Variants in ZIM3 observed in about 807,000 individuals in gnomAD.
ZIM3 encodes the protein zinc finger imprinted 3.
In ZIM3, 11 loss-of-function variants were observed where a neutral mutation model predicts 12.9. The ratio of observed to expected loss-of-function variants is 0.85; its 90% CI spans 0.54 to 1.41. The LOEUF (loss-of-function observed/expected upper bound fraction) is 1.41, where lower values mean the gene tolerates loss of function less well. ZIM3 is among the 40% of genes most tolerant of loss of function. ZIM3 has a pLI of 0.00. For missense variants in ZIM3, 604 were observed against 557.2 expected (o/e 1.08, Z -0.85); for synonymous variants, 205 against 198.5 (o/e 1.03, Z -0.28).
At position 57,139,422 on chromosome 19, in the gene ZIM3, T is replaced by C. The variant is rs371651876; in HGVS notation, c.16-824A>G. 7.9e-5 allele frequency among the ~76,000 whole-genome samples: 12 copies of C among 152,060 alleles called. No homozygotes were observed. The East Asian group carries it at 1.6e-3, about 20-fold the overall frequency. On this transcript the variant is annotated intron_variant, in intron 2 of 4. Coordinates refer to ENST00000269834, the MANE Select transcript of ZIM3 (RefSeq NM_052882.1). ...TTTCTTTAAGACATCCTGCCTCTAT[T>C]AGAAATTCTTTTTTAAATAGAGGCC...
rs1226967928 is a variant in ZIM3 at position 57,142,645 on chromosome 19, T to G, written c.-2A>C. On this transcript the variant is annotated 5_prime_UTR_variant, in exon 2 of 5. Coordinates refer to ENST00000269834, the MANE Select transcript of ZIM3 (RefSeq NM_052882.1). ...AAAGCTCACCTGGGAATTGTTCATT[T>G]CCTGTTCTTCACCAGTCAGTAAAGT... The G allele has an allele frequency of 1.2e-6, 2 of 1,613,722 alleles. No individual in the cohort carries two copies. The highest frequency in any genetic ancestry group is 2.2e-5 in the East Asian group (1 of 44,862).
rs774474471 is a variant in ZIM3, at chr19:57,135,973, C to T, written c.364G>A (p.Gly122Arg). The change falls in exon 5 of 5, where the codon GGA becomes AGA. Residue 122 changes from glycine (G) to arginine (R), a missense_variant. Transcript: ENST00000269834. Reference sequence around the variant, plus strand: ...CCCAGTGGAAGTATTTTCTTAGATCCGTCACATTCTACACCTTTCTGCGTA... The same window carrying T: ...CCCAGTGGAAGTATTTTCTTAGATCTGTCACATTCTACACCTTTCTGCGTA... The part of the protein sequence containing the change: ...LTTQKGVECD[G>R]SKKILPLGID... 9.3e-6 allele frequency: 15 copies of T among 1,613,980 alleles called. No homozygotes were observed. The highest frequency in any genetic ancestry group is 1.6e-4 in the Middle Eastern group (1 of 6,084).
Position 57,134,786 on chromosome 19 carries a change from G to A in ZIM3, c.*132C>T, listed in dbSNP as rs118093414. 19,183 of 887,080 alleles carry A rather than the reference G, an allele frequency of 0.022. 318 individuals are homozygous for A. The highest frequency in any genetic ancestry group is 0.028 in the Non-Finnish European group (16,287 of 583,000). 55.0% of individuals were successfully genotyped at this position (887,080 alleles called of 1,614,324 possible). A position where few individuals can be genotyped will look rare whatever the true frequency, so the allele number is the denominator to read the frequency against. On this transcript the variant is annotated 3_prime_UTR_variant, in exon 5 of 5. Coordinates refer to ENST00000269834, the MANE Select transcript of ZIM3 (RefSeq NM_052882.1). Reference sequence around the variant, plus strand: ...TGAGTATGCCGAATGGGTTTTCAAAGGATACTGTGATAATAAGTCCTCGCT... The same window carrying A: ...TGAGTATGCCGAATGGGTTTTCAAAAGATACTGTGATAATAAGTCCTCGCT...
At chr19:57,138,363 A>T (rs2086899277) in intron 3 of ZIM3, 109 bp downstream of exon 3, 1 of 1,501,096 alleles carries the variant, frequency 6.7e-7, no homozygotes, top group Admixed American at 1.7e-5. Flanking sequence ...ACAAAAACAT[A>T]TGCGAAGTGA....
At position 57,138,360 on chromosome 19, in the gene ZIM3, CAT is replaced by C; in HGVS notation, c.142+110_142+111del. ...CACCCTAGTCCCGGCTCTACAAAAA[CAT>C]ATGCGAAGTGAGGAGCACCTCTGTG... is the stretch of plus-strand genomic sequence containing the variant. On this transcript the variant is annotated intron_variant, in intron 3 of 4. Coordinates refer to ENST00000269834, the MANE Select transcript of ZIM3 (RefSeq NM_052882.1). 2.7e-6 allele frequency: 4 copies of C among 1,494,016 alleles called. No homozygotes were observed. In the South Asian group the frequency reaches 4.6e-5, roughly 17 times the overall value. 92.5% of individuals were successfully genotyped at this position (1,494,016 alleles called of 1,614,324 possible).
chr19:57,134,992 A>C lies in ZIM3; in HGVS notation c.1345T>G (p.Cys449Gly). Residue 449 changes from cysteine to glycine, a missense_variant, in exon 5 of 5, where the codon TGT (cysteine) becomes GGT (glycine). Physicochemically the swap from Cys to Gly is radical, Grantham distance 159. Transcript: ENST00000269834. ...KTHTGQKPYGCSECGKAFADR... is the reference protein window; with the variant it reads ...KTHTGQKPYGGSECGKAFADR... ...GCGAAGGCTTTACCGCATTCAGAAC[A>C]TCCATAAGGTTTTTGTCCAGTATGG... 1 of 1,614,166 alleles carries C rather than the reference A, an allele frequency of 6.2e-7. No homozygotes were observed. Among genetic ancestry groups the C allele is most frequent in the Non-Finnish European group, 8.5e-7 (1 of 1,180,034 alleles).
intron 1 of ZIM3, 42 bp from the exon 2 acceptor site, chr19:57,142,727 C>A: frequency 6.5e-7 from 1 of 1,532,984 alleles, no homozygotes. Context: ...GCAGAATTCG[C>A]TTTGGAAGTT....
chr19:57,136,558 G>A (rs1268031029), intron 4 of ZIM3, among the ~76,000 whole-genome samples: 1 of 151,824 alleles, frequency 6.6e-6, no homozygotes, highest in Non-Finnish European at 1.5e-5. Context: ...CAGCTACTCG[G>A]GAGGCTGAGG....
rs1460879847 is a variant in ZIM3 at position 57,135,928 on chromosome 19, A to G, written c.409T>C (p.Leu137=). 2 of 1,614,038 alleles carry G rather than the reference A, an allele frequency of 1.2e-6. No individual in the cohort carries two copies. The highest frequency in any genetic ancestry group is 1.7e-5 in the Admixed American group (1 of 59,990). Residue 137 remains leucine, a synonymous_variant, in exon 5 of 5, where the codon TTG becomes CTG. Transcript: ENST00000269834. ...GAATTATTTTGTACATAGTGTTGCA[A>G]GGAAGATACATCATCTATGCCCAGT... ...LPLGIDDVSS[L]QHYVQNNSHD... is the part of the protein sequence containing the mutation.
At chr19:57,138,162 G>C (rs371184497) in intron 3 of ZIM3, among the ~76,000 whole-genome samples, 6 of 151,884 alleles carry the variant, frequency 4.0e-5, no homozygotes, top group Non-Finnish European at 5.9e-5. Context: ...AGAAAGAAAT[G>C]CTTTTTCTTC....
chr19:57,135,933 G>A lies in ZIM3; in HGVS notation c.404C>T (p.Ser135Phe). Residue 135 changes from serine (S) to phenylalanine (F), a missense_variant, in exon 5 of 5, where the codon TCT (serine) becomes TTT (phenylalanine). Transcript: ENST00000269834. ...ATTTTGTACATAGTGTTGCAAGGAA[G>A]ATACATCATCTATGCCCAGTGGAAG... The part of the protein sequence containing the change: ...KILPLGIDDV[S>F]SLQHYVQNNS... 6.2e-7 allele frequency: 1 copy of A among 1,614,136 alleles called. No homozygotes were observed. Among genetic ancestry groups the A allele is most frequent in the Non-Finnish European group, 8.5e-7 (1 of 1,180,026 alleles).
chr19:57,139,650 CT>C (rs1182712277), intron 2 of ZIM3, among the ~76,000 whole-genome samples: 3 of 152,126 alleles, frequency 2.0e-5, no homozygotes, highest in South Asian at 2.1e-4. Flanking sequence ...CGCTTGAACC[CT>C]GGGAGGTGGA....
At chr19:57,143,599 A>G (rs1266169132) in intron 1 of ZIM3, among the ~76,000 whole-genome samples, 1 of 151,814 alleles carries the variant, frequency 6.6e-6, no homozygotes, top group Non-Finnish European at 1.5e-5. Flanking sequence ...GATTTTGGCC[A>G]CGCGTGGCAG....
In ZIM3 at chr19:57,135,995, C is replaced by A. The variant is rs141429282; in HGVS notation, c.342G>T (p.Thr114=). ...ATCCGTCACATTCTACACCTTTCTG[C>A]GTAGTCAGCGTTTCCTTATTGATTG... ...VPSINKETLT[T]QKGVECDGSK... The change falls in exon 5 of 5, where the codon ACG becomes ACT. Residue 114 remains threonine (T), a synonymous_variant. Transcript: ENST00000269834. 1.9e-6 allele frequency: 3 copies of A among 1,614,146 alleles called. No homozygotes were observed. The highest frequency in any genetic ancestry group is 1.6e-4 in the Middle Eastern group (1 of 6,062).
In ZIM3 at chr19:57,135,613, G is replaced by T. The variant is rs767205997; in HGVS notation, c.724C>A (p.Gln242Lys). ...YKQKSNLFQH[Q>K]KMHTKEKPYQ... ...GGTTTCTCTTTAGTATGCATTTTCT[G>T]ATGTTGAAAGAGATTTGACTTCTGC... Residue 242 changes from glutamine to lysine, a missense_variant, in exon 5 of 5, where the codon CAG becomes AAG. By Grantham distance (53) the Gln-to-Lys change is moderately conservative. Transcript: ENST00000269834. 1 of 1,611,944 alleles carries T rather than the reference G, an allele frequency of 6.2e-7. No individual in the cohort carries two copies.
At chr19:57,141,998 G>A (rs2086915893) in intron 2 of ZIM3, among the ~76,000 whole-genome samples, 1 of 152,090 alleles carries the variant, frequency 6.6e-6, no homozygotes, top group Non-Finnish European at 1.5e-5. Context: ...TTAGGGAGAT[G>A]GATTTGAGGC....
chr19:57,138,490 T>C lies in ZIM3; in HGVS notation c.124A>G (p.Ser42Gly), dbSNP rs759018879. ...TCCTTACCCACAGAGACAAGGTTGC[T>C]GTAATTCTCCAGCATCACATCCCTG... The part of the protein sequence containing the change: ...LYRDVMLENY[S>G]NLVSVGQGET... The change falls in exon 3 of 5, where the codon AGC (serine) becomes GGC (glycine). Residue 42 changes from serine (S) to glycine (G), a missense_variant. Physicochemically the swap from Ser to Gly is moderately conservative, Grantham distance 56 (BLOSUM62 0). Transcript: ENST00000269834. 5.0e-6 allele frequency: 8 copies of C among 1,614,186 alleles called. No individual in the cohort carries two copies. The highest frequency in any genetic ancestry group is 6.8e-6 in the Non-Finnish European group (8 of 1,180,042).
At chr19:57,137,435 A>C (rs917959156) in intron 3 of ZIM3, among the ~76,000 whole-genome samples, 1 of 151,770 alleles carries the variant, frequency 6.6e-6, no homozygotes, top group African/African-American at 2.4e-5. Context: ...CAGTGACGCC[A>C]GGCGTGGTGG....
Position 57,135,157 on chromosome 19 carries a change from T to G in ZIM3, c.1180A>C (p.Asn394His). 6.2e-7 allele frequency: 1 copy of G among 1,614,212 alleles called. No individual in the cohort carries two copies. The highest frequency in any genetic ancestry group is 8.5e-7 in the Non-Finnish European group (1 of 1,180,038). Reference sequence around the variant, plus strand: ...TGAAAGAAGGCTTTTCCACATCTGTTACATTCATAGGGCTTTTCCCCAGTA... The same window carrying G: ...TGAAAGAAGGCTTTTCCACATCTGTGACATTCATAGGGCTTTTCCCCAGTA... ...IHTGEKPYEC[N>H]RCGKAFFQKS... is the part of the protein sequence containing the mutation. Residue 394 changes from asparagine (N) to histidine (H), a missense_variant, in exon 5 of 5, where the codon AAC becomes CAC. Transcript: ENST00000269834.
Sources: gnomAD v4.1 joint callset for allele counts (sites outside exome capture counted in the v4.1 genomes callset) on GRCh38, gnomAD v4.1.1 for gene constraint, MANE v1.5 for transcripts, NCBI Gene and HGNC (gene_info 2026-07-23, HGNC 2026-07-21) for gene names.